Variants in SH3RF3 observed in about 807,000 individuals in gnomAD.
SH3RF3 encodes the protein SH3 domain containing ring finger 3.
Under a neutral mutation model 66.3 loss-of-function variants are expected in SH3RF3, and 29 were observed. The observed-to-expected ratio is 0.44, with a 90% CI of 0.33 to 0.60. The LOEUF (loss-of-function observed/expected upper bound fraction) is 0.60. Ranked by LOEUF, SH3RF3 falls within the 20% of genes least tolerant of loss-of-function variation. The pLI is 0.04. For missense variants in SH3RF3, 1,194 were observed against 1,190.9 expected (o/e 1.00, Z -0.04); for synonymous variants, 583 against 532.0 (o/e 1.10, Z -1.32).
At chr2:109,204,665 A>G (rs1382896384) in intron 1 of SH3RF3, among the ~76,000 whole-genome samples, 2 of 152,230 alleles carry the variant, frequency 1.3e-5, no homozygotes, top group Non-Finnish European at 2.9e-5. Flanking sequence ...ACCTGCTGGC[A>G]GGCAGGATGC....
intron 8 of SH3RF3, among the ~76,000 whole-genome samples, chr2:109,457,312 G>A (rs1678086908): frequency 6.6e-6 from 1 of 152,208 alleles, no homozygotes; most frequent in South Asian, 2.1e-4. Flanking sequence ...AAAGATCAAA[G>A]GAGGGGTTAA....
intron 1 of SH3RF3, among the ~76,000 whole-genome samples, chr2:109,321,275 TC>T (rs1682021619): frequency 6.6e-6 from 1 of 152,188 alleles, no homozygotes; most frequent in Non-Finnish European, 1.5e-5. Flanking sequence ...AAAACGCCAT[TC>T]CTTTATTGTC....
At chr2:109,157,506 A>G (rs1035508466) in intron 1 of SH3RF3, among the ~76,000 whole-genome samples, 1 of 152,208 alleles carries the variant, frequency 6.6e-6, no homozygotes, top group Non-Finnish European at 1.5e-5. Flanking sequence ...TGGATCTGAA[A>G]CTGGCCTTAG....
At chr2:109,149,790 G>A (rs867049271) in intron 1 of SH3RF3, among the ~76,000 whole-genome samples, 76 of 152,336 alleles carry the variant, frequency 5.0e-4, no homozygotes, top group Middle Eastern at 6.8e-3. Context: ...TAGCTACAGT[G>A]GAGATGCTTT....
intron 1 of SH3RF3, among the ~76,000 whole-genome samples, chr2:109,137,551 CCATCAAAGCA>C (rs1480246911): frequency 2.0e-5 from 3 of 152,148 alleles, no homozygotes; most frequent in Non-Finnish European, 4.4e-5. Flanking sequence ...TTTTTGTTGG[CCATCAAAGCA>C]CACCACCTTA....
At chr2:109,220,056 TTA>T (rs1440435219) in intron 1 of SH3RF3, among the ~76,000 whole-genome samples, 1 of 152,242 alleles carries the variant, frequency 6.6e-6, no homozygotes, top group East Asian at 1.9e-4. Context: ...CAAAACTATG[TTA>T]TTAGCATAAG....
At chr2:109,399,804 C>T (rs762047030) in intron 4 of SH3RF3, among the ~76,000 whole-genome samples, 20 of 152,192 alleles carry the variant, frequency 1.3e-4, no homozygotes, top group Non-Finnish European at 2.5e-4. Context: ...TCCCAGTGCC[C>T]GGCAGGGTGA....
intron 1 of SH3RF3, among the ~76,000 whole-genome samples, chr2:109,172,057 G>C (rs1443040149): frequency 6.6e-6 from 1 of 152,226 alleles, no homozygotes; most frequent in Non-Finnish European, 1.5e-5. Flanking sequence ...TTGGTTGCTT[G>C]GTTTGGAGCA....
intron 8 of SH3RF3, among the ~76,000 whole-genome samples, chr2:109,483,969 T>C (rs1678899954): frequency 1.3e-5 from 2 of 151,728 alleles, no homozygotes; most frequent in African/African-American, 4.8e-5. Context: ...TGCCTCCACC[T>C]CTATCTCAGC....
At chr2:109,417,989 A>G (rs946042785) in intron 4 of SH3RF3, among the ~76,000 whole-genome samples, 1 of 151,978 alleles carries the variant, frequency 6.6e-6, no homozygotes, top group Admixed American at 6.5e-5. Flanking sequence ...ACCTGGGGCA[A>G]CTTCCAGGTG....
intron 1 of SH3RF3, among the ~76,000 whole-genome samples, chr2:109,269,644 G>C (rs1261357297): frequency 6.6e-6 from 1 of 152,192 alleles, no homozygotes; most frequent in Admixed American, 6.5e-5. Context: ...AGCCGGACAT[G>C]GTGGCGTGTG....
chr2:109,290,633 A>G (rs991771026), intron 1 of SH3RF3, among the ~76,000 whole-genome samples: 3 of 152,188 alleles, frequency 2.0e-5, no homozygotes, highest in Admixed American at 6.5e-5. Flanking sequence ...GATTCCTCCA[A>G]CTCAGACGCC....
At chr2:109,133,088 G>T (rs1009818563) in intron 1 of SH3RF3, among the ~76,000 whole-genome samples, 5 of 152,344 alleles carry the variant, frequency 3.3e-5, no homozygotes, top group African/African-American at 9.6e-5. Context: ...GCTGACAGTA[G>T]AGGTAGTGAG....
chr2:109,404,454 C>T (rs925090546), intron 4 of SH3RF3, among the ~76,000 whole-genome samples: 6 of 152,202 alleles, frequency 3.9e-5, no homozygotes, highest in Non-Finnish European at 7.3e-5. Flanking sequence ...TCAGCAGCCA[C>T]TCTGCAGGGG....
At chr2:109,389,480 C>T (rs890452522) in intron 3 of SH3RF3, among the ~76,000 whole-genome samples, 2 of 152,138 alleles carry the variant, frequency 1.3e-5, no homozygotes, top group African/African-American at 4.8e-5. Flanking sequence ...ACTTCCATAC[C>T]ACATGGACGC....
At chr2:109,469,862 G>A (rs549987428) in intron 8 of SH3RF3, among the ~76,000 whole-genome samples, 7 of 152,330 alleles carry the variant, frequency 4.6e-5, no homozygotes, top group South Asian at 2.1e-4. Flanking sequence ...GGGGCCAGGC[G>A]TTTGTCCACT....
rs146849064 is a variant in SH3RF3 at position 109,255,470 on chromosome 2, C to T, written c.574-92204C>T. 5.1e-4 allele frequency among the ~76,000 whole-genome samples: 77 copies of T among 152,254 alleles called. 1 individual carries two copies. In the East Asian group the frequency reaches 9.6e-3, roughly 19 times the overall value. ...ACACATTCAGGGTTGGACTGGGGTT[C>T]GTATTAGTCAGCCGACTGGGTATCT... On this transcript the variant is annotated intron_variant, in intron 1 of 9. Transcript: ENST00000309415.
chr2:109,151,258 G>A (rs1297857660), intron 1 of SH3RF3, among the ~76,000 whole-genome samples: 2 of 152,190 alleles, frequency 1.3e-5, no homozygotes, highest in East Asian at 3.9e-4. Context: ...TTTCATGTTT[G>A]TGGGGCTCCA....
chr2:109,240,347 G>A (rs1214151064), intron 1 of SH3RF3, among the ~76,000 whole-genome samples: 2 of 152,142 alleles, frequency 1.3e-5, no homozygotes, highest in African/African-American at 2.4e-5. Context: ...AATTAGTCAG[G>A]TGTGGTGGCT....
Sources: allele counts gnomAD v4.1 joint callset (sites outside exome capture counted in the v4.1 genomes callset), GRCh38; gene constraint gnomAD v4.1.1; transcripts MANE v1.5; gene names NCBI Gene and HGNC (gene_info 2026-07-23, HGNC 2026-07-21).